CUX1: variants seen among roughly 807,000 people sequenced by gnomAD.
CUX1 encodes the protein protein CASP.
A neutral mutation model predicts 158.8 loss-of-function variants in CUX1; 31 were observed. The observed-to-expected ratio is 0.20, with a 90% CI of 0.15 to 0.26. The LOEUF (loss-of-function observed/expected upper bound fraction) is 0.26, where lower values mean the gene tolerates loss of function less well. Ranked by LOEUF, CUX1 falls within the 10% of genes least tolerant of loss-of-function variation. The probability of loss-of-function intolerance (pLI) is 1.00; values close to 1 mark genes in which losing one functional copy is unlikely to be tolerated. For missense variants in CUX1, 1,589 were observed against 2,014.6 expected (o/e 0.79, Z 4.04); for synonymous variants, 879 against 862.1 (o/e 1.02, Z -0.34).
At chr7:102,281,782 G>C in intron 20 of CUX1, 1 of 1,168,958 alleles carries the variant, frequency 8.6e-7, no homozygotes, top group Middle Eastern at 1.9e-4. Flanking sequence ...AGCCCAGGCA[G>C]CCCTGCAGGG....
intron 5 of CUX1, among the ~76,000 whole-genome samples, chr7:102,103,084 C>T (rs1367428374): frequency 2.6e-5 from 4 of 152,290 alleles, no homozygotes; most frequent in South Asian, 4.1e-4. Flanking sequence ...TCTGGACCTG[C>T]GCTTTCCCAA....
chr7:102,244,651 T>C (rs1409508829), intron 23 of CUX1, among the ~76,000 whole-genome samples: 1 of 151,890 alleles, frequency 6.6e-6, no homozygotes, highest in Non-Finnish European at 1.5e-5. Context: ...GATCATGCCA[T>C]TGCACTCCAG....
chr7:102,258,535 C>T (rs1342907556), downstream of CUX1, among the ~76,000 whole-genome samples: 1 of 152,194 alleles, frequency 6.6e-6, no homozygotes, highest in Non-Finnish European at 1.5e-5. Flanking sequence ...TTGAACCAAG[C>T]CCTTACCCTC....
intron 8 of CUX1, among the ~76,000 whole-genome samples, chr7:102,127,769 C>T (rs1261017525): frequency 2.0e-5 from 3 of 152,132 alleles, no homozygotes; most frequent in Admixed American, 1.3e-4. Flanking sequence ...ATCTGGGGAG[C>T]TTTGTCCCTG....
In CUX1 at chr7:101,865,030, C is replaced by T. The variant is rs183038485; in HGVS notation, c.30+47361C>T. ...CTTTTTTTTAAATGTTTTGTAGAATCGGACCAAAATCAGACCAATCCTCTC... is the reference window on the plus strand; with the variant it reads ...CTTTTTTTTAAATGTTTTGTAGAATTGGACCAAAATCAGACCAATCCTCTC... On this transcript the variant is annotated intron_variant, in intron 1 of 23. Coordinates refer to ENST00000292535, the MANE Select transcript of CUX1 (RefSeq NM_181552.4). 9.9e-5 allele frequency among the ~76,000 whole-genome samples: 15 copies of T among 152,240 alleles called. No homozygotes were observed. The East Asian group carries it at 1.9e-3, about 20-fold the overall frequency.
chr7:101,845,271 C>A (rs1297482609), intron 1 of CUX1, among the ~76,000 whole-genome samples: 1 of 152,138 alleles, frequency 6.6e-6, no homozygotes. Flanking sequence ...CATGTGCGAG[C>A]CCCCATGCCT....
At chr7:102,136,905 G>A (rs1554498913) in intron 8 of CUX1, among the ~76,000 whole-genome samples, 1 of 152,114 alleles carries the variant, frequency 6.6e-6, no homozygotes, top group African/African-American at 2.4e-5. Flanking sequence ...TCATTTTGTG[G>A]ATGTTTATTA....
chr7:101,926,499 G>T (rs760689872), intron 2 of CUX1, among the ~76,000 whole-genome samples: 4 of 152,178 alleles, frequency 2.6e-5, no homozygotes, highest in African/African-American at 4.8e-5. Context: ...GAGGTTGCCT[G>T]GGCCCAGGGA....
Position 102,255,555 on chromosome 7 carries a change from T to A in CUX1, c.*6513T>A. ...AATGTTAAGAAAGCATTAGTCTACG[T>A]TACTGTAATTTCTGTAGTGTTTACG... On this transcript the variant is annotated 3_prime_UTR_variant, in exon 24 of 24. Transcript: ENST00000292535. 1 of 985,422 alleles carries A rather than the reference T, an allele frequency of 1.0e-6. No individual in the cohort carries two copies. The highest frequency in any genetic ancestry group is 1.2e-6 in the Non-Finnish European group (1 of 829,918). The allele number at this position is 985,422 out of a possible 1,614,324, so 61.0% of individuals were successfully genotyped here. A position where few individuals can be genotyped will look rare whatever the true frequency, so the allele number is the denominator to read the frequency against.
Position 102,092,043 on chromosome 7 carries a change from A to G in CUX1, c.269-5321A>G, listed in dbSNP as rs536445100. Among the ~76,000 whole-genome samples, 237 of 152,374 alleles carry G rather than the reference A, an allele frequency of 1.6e-3. 1 individual carries two copies. The highest frequency in any genetic ancestry group is 5.4e-3 in the African/African-American group (223 of 41,584). On this transcript the variant is annotated intron_variant, in intron 4 of 23. Coordinates refer to ENST00000292535, the MANE Select transcript of CUX1 (RefSeq NM_181552.4). ...AGTGCTGGGATTACAGGCGTGCGCCATGCCGTCCATCTCTGGCCACTTCTT... is the reference window on the plus strand; with the variant it reads ...AGTGCTGGGATTACAGGCGTGCGCCGTGCCGTCCATCTCTGGCCACTTCTT...
At chr7:101,862,835 T>C (rs12154519) in intron 1 of CUX1, among the ~76,000 whole-genome samples, 31,841 of 151,946 alleles carry the variant, frequency 0.21, 4,053 homozygotes, top group Non-Finnish European at 0.28. Context: ...CCCGTATTAC[T>C]AAACTTATCA....
intron 8 of CUX1, among the ~76,000 whole-genome samples, chr7:102,138,521 C>T (rs1367964959): frequency 6.6e-6 from 1 of 152,148 alleles, no homozygotes; most frequent in East Asian, 1.9e-4. Flanking sequence ...GATGCAGAAC[C>T]ATTGAGCCCT....
At chr7:102,006,799 C>T (rs1306322766) in intron 2 of CUX1, among the ~76,000 whole-genome samples, 1 of 152,246 alleles carries the variant, frequency 6.6e-6, no homozygotes, top group African/African-American at 2.4e-5. Context: ...TGGAATAAAA[C>T]CACTGGATGC....
At chr7:101,928,373 T>A (rs1379302188) in intron 2 of CUX1, among the ~76,000 whole-genome samples, 1 of 151,426 alleles carries the variant, frequency 6.6e-6, no homozygotes, top group Non-Finnish European at 1.5e-5. Flanking sequence ...TTTTTCTTTT[T>A]TCTTTTTTTT....
chr7:101,900,337 A>G (rs574990290), intron 1 of CUX1, among the ~76,000 whole-genome samples: 49 of 152,358 alleles, frequency 3.2e-4, no homozygotes, highest in African/African-American at 1.1e-3. Context: ...GCCAGGAGGC[A>G]GCGAAGGAAT....
At chr7:101,819,090 G>A (rs2130881243) in intron 1 of CUX1, 1 of 152,350 alleles carries the variant, frequency 6.6e-6, no homozygotes, top group East Asian at 1.9e-4. Context: ...TGCTCAGGAA[G>A]AGAATTTCTG....
intron 3 of CUX1, among the ~76,000 whole-genome samples, chr7:102,034,987 A>T (rs1273446244): frequency 6.6e-6 from 1 of 151,908 alleles, no homozygotes; most frequent in Non-Finnish European, 1.5e-5. Context: ...ATAGAGGGAA[A>T]CATCTTAGGA....
chr7:102,258,427 C>T (rs1790126565), downstream of CUX1, among the ~76,000 whole-genome samples: 1 of 152,122 alleles, frequency 6.6e-6, no homozygotes. Context: ...ATGGGGATCT[C>T]GGGCACTGCT....
At chr7:102,270,747 A>C (rs1791157435) in intron 14 of CUX1, among the ~76,000 whole-genome samples, 2 of 152,230 alleles carry the variant, frequency 1.3e-5, no homozygotes, top group Admixed American at 1.3e-4. Flanking sequence ...CCAGGCCTCC[A>C]GGCCAGCTTA....
Sources: allele counts gnomAD v4.1 joint callset (sites outside exome capture counted in the v4.1 genomes callset), GRCh38; gene constraint gnomAD v4.1.1; transcripts MANE v1.5; gene names NCBI Gene and HGNC (gene_info 2026-07-23, HGNC 2026-07-21).